CNTN3: variants seen among roughly 807,000 people sequenced by gnomAD.
CNTN3 encodes contactin-3.
A neutral mutation model predicts 119.1 loss-of-function variants in CNTN3; 60 were observed. The ratio of observed to expected loss-of-function variants is 0.50; its 90% CI spans 0.41 to 0.62. CNTN3 has a LOEUF of 0.62. Among genes scored for constraint, CNTN3 ranks in the 20% least tolerant of loss-of-function variants. The pLI is 0.00. For missense variants in CNTN3, 1,101 were observed against 1,242.4 expected (o/e 0.89, Z 1.71); for synonymous variants, 450 against 438.7 (o/e 1.03, Z -0.32).
intron 13 of CNTN3, among the ~76,000 whole-genome samples, chr3:74,328,602 A>T (rs1190611386): frequency 2.0e-5 from 3 of 152,140 alleles, no homozygotes; most frequent in Non-Finnish European, 4.4e-5. Flanking sequence ...GCTTTGGACT[A>T]TTCATCTTCA....
At chr3:74,272,804 A>C (rs1317146294) in intron 20 of CNTN3, among the ~76,000 whole-genome samples, 1 of 152,196 alleles carries the variant, frequency 6.6e-6, no homozygotes, top group Non-Finnish European at 1.5e-5. Context: ...GGAGGTTTCA[A>C]CAGGCAAGAA....
At chr3:74,560,481 CAT>C (rs1704136701) in intron 1 of CNTN3, among the ~76,000 whole-genome samples, 1 of 152,104 alleles carries the variant, frequency 6.6e-6, no homozygotes, top group African/African-American at 2.4e-5. Context: ...TATATACAAA[CAT>C]ATGAATACAT....
intron 2 of CNTN3, among the ~76,000 whole-genome samples, chr3:74,501,352 C>CT (rs1157413982): frequency 6.6e-6 from 1 of 151,950 alleles, no homozygotes; most frequent in Non-Finnish European, 1.5e-5. Flanking sequence ...CAACGAGTTC[C>CT]TGGTTGGCTA....
rs985245145 is a variant in CNTN3 at position 74,365,568 on chromosome 3, C to G, written c.1081G>C (p.Glu361Gln). The G allele has an allele frequency of 1.2e-6, 2 of 1,613,250 alleles. No homozygotes were observed. Among genetic ancestry groups the G allele is most frequent in the African/African-American group, 2.7e-5 (2 of 74,964 alleles). Residue 361 changes from glutamate to glutamine, a missense_variant and splice_region_variant, in exon 9 of 23, where the codon GAG (glutamate) becomes CAG (glutamine). Physicochemically the swap from Glu to Gln is conservative, Grantham distance 29. Coordinates refer to ENST00000263665, the MANE Select transcript of CNTN3 (RefSeq NM_020872.3). The stretch of plus-strand genomic sequence containing the variant: ...ATTTTAGGTCCATGTTACCTTACCT[C>G]TAGCACCAGGGCTGCTCCATTTTTC... ...WLKNGAALVLEERTQIENGAL... is the reference protein window; with the variant it reads ...WLKNGAALVLQERTQIENGAL...
At position 74,270,942 on chromosome 3, in the gene CNTN3, T is replaced by C. The variant is rs143305984; in HGVS notation, c.2705-3564A>G. 2.9e-3 allele frequency among the ~76,000 whole-genome samples: 441 copies of C among 152,306 alleles called. 1 individual carries two copies. The highest frequency in any genetic ancestry group is 1.0e-2 in the African/African-American group (414 of 41,556). ...ACTAGATTTATATCACAACACTAATTGACAGGATACACATAATCATTTCAG... is the reference window on the plus strand; with the variant it reads ...ACTAGATTTATATCACAACACTAATCGACAGGATACACATAATCATTTCAG... On this transcript the variant is annotated intron_variant, in intron 20 of 22. Transcript: ENST00000263665.
intron 1 of CNTN3, among the ~76,000 whole-genome samples, chr3:74,539,975 C>G (rs1278687307): frequency 6.6e-6 from 1 of 152,092 alleles, no homozygotes; most frequent in East Asian, 1.9e-4. Flanking sequence ...CCTGTATGAC[C>G]CGCCATGAAG....
chr3:74,483,921 G>C (rs1702806380), intron 4 of CNTN3, among the ~76,000 whole-genome samples: 1 of 152,188 alleles, frequency 6.6e-6, no homozygotes. Flanking sequence ...GATAATTTTA[G>C]AGGTATTTTG....
chr3:74,361,918 C>G lies in CNTN3; in HGVS notation c.1336G>C (p.Gly446Arg), dbSNP rs1402536565. ...TCATGCTCCTGCACGCTCACATCCCCCTTCTTCCAGGAAGAGAGTGCCCTT... is the reference window on the plus strand; with the variant it reads ...TCATGCTCCTGCACGCTCACATCCCGCTTCTTCCAGGAAGAGAGTGCCCTT... Reference protein sequence around the residue: ...SPRALSSWKKGDVSVQEHERI... With the variant: ...SPRALSSWKKRDVSVQEHERI... The change falls in exon 11 of 23, where the codon GGG becomes CGG. Residue 446 changes from glycine to arginine, a missense_variant. Coordinates refer to ENST00000263665, the MANE Select transcript of CNTN3 (RefSeq NM_020872.3). 6.2e-7 allele frequency: 1 copy of G among 1,613,424 alleles called. No individual in the cohort carries two copies. The highest frequency in any genetic ancestry group is 1.7e-5 in the Admixed American group (1 of 59,964).
At chr3:74,352,348 TA>T (rs1408816311) in intron 11 of CNTN3, among the ~76,000 whole-genome samples, 1 of 152,150 alleles carries the variant, frequency 6.6e-6, no homozygotes, top group African/African-American at 2.4e-5. Flanking sequence ...CTTACTGGTT[TA>T]AAAGACCATG....
chr3:74,327,105 C>CTTTTTTTTT lies in CNTN3; in HGVS notation c.1668+7629_1668+7630insAAAAAAAAA, dbSNP rs1491284899. On this transcript the variant is annotated intron_variant, in intron 13 of 22. Coordinates refer to ENST00000263665, the MANE Select transcript of CNTN3 (RefSeq NM_020872.3). ...CTAAAGTAGCTTATGAAGGGTTAATCCTTTTTTTTTTTTTTTTTTTTTTTT... is the reference window on the plus strand; with the variant it reads ...CTAAAGTAGCTTATGAAGGGTTAATCTTTTTTTTTCTTTTTTTTTTTTTTTTTTTTTTTT... 2.3e-3 allele frequency among the ~76,000 whole-genome samples: 209 copies of CTTTTTTTTT among 90,696 alleles called. 1 individual carries two copies. The highest frequency in any genetic ancestry group is 2.7e-3 in the Non-Finnish European group (136 of 49,674). 59.5% of individuals were successfully genotyped at this position (90,696 alleles called of 152,430 possible).
At chr3:74,451,656 T>C (rs946722311) in intron 4 of CNTN3, among the ~76,000 whole-genome samples, 2 of 152,016 alleles carry the variant, frequency 1.3e-5, no homozygotes, top group African/African-American at 4.8e-5. Flanking sequence ...ATGTCTAACG[T>C]TTAAGTCTTT....
chr3:74,484,686 G>A (rs141653478), intron 4 of CNTN3, among the ~76,000 whole-genome samples: 104 of 152,052 alleles, frequency 6.8e-4, no homozygotes, highest in African/African-American at 2.1e-3. Flanking sequence ...ACAACCAAGC[G>A]AACCCCAAAA....
At chr3:74,470,706 A>G (rs1702543955) in intron 4 of CNTN3, among the ~76,000 whole-genome samples, 1 of 152,176 alleles carries the variant, frequency 6.6e-6, no homozygotes, top group Non-Finnish European at 1.5e-5. Flanking sequence ...TCATTAAATC[A>G]ATGTGTTTAA....
At chr3:74,495,795 A>G (rs1254351291) in intron 3 of CNTN3, among the ~76,000 whole-genome samples, 1 of 152,030 alleles carries the variant, frequency 6.6e-6, no homozygotes, top group Non-Finnish European at 1.5e-5. Flanking sequence ...AAAGACCTCC[A>G]CTTTGCAATG....
intron 11 of CNTN3, among the ~76,000 whole-genome samples, chr3:74,356,424 C>T (rs1445064415): frequency 6.6e-6 from 1 of 152,074 alleles, no homozygotes; most frequent in Non-Finnish European, 1.5e-5. Context: ...GCAGACATCA[C>T]CTTCTCTAGA....
intron 4 of CNTN3, among the ~76,000 whole-genome samples, chr3:74,464,047 T>C (rs1702418203): frequency 6.6e-6 from 1 of 152,104 alleles, no homozygotes; most frequent in South Asian, 2.1e-4. Context: ...TCCATAGTAC[T>C]TTTTCAACAG....
At chr3:74,355,060 C>T (rs1464230021) in intron 11 of CNTN3, among the ~76,000 whole-genome samples, 2 of 152,070 alleles carry the variant, frequency 1.3e-5, no homozygotes, top group South Asian at 2.1e-4. Context: ...TTCAGTCAAC[C>T]TTTGTATGCA....
chr3:74,451,115 T>A (rs938442640), intron 4 of CNTN3, among the ~76,000 whole-genome samples: 1 of 152,036 alleles, frequency 6.6e-6, no homozygotes, highest in Non-Finnish European at 1.5e-5. Context: ...GTTGAACTAG[T>A]TTACAGTCCC....
intron 11 of CNTN3, among the ~76,000 whole-genome samples, chr3:74,354,957 T>C (rs762225228): frequency 1.9e-4 from 29 of 152,106 alleles, no homozygotes; most frequent in Non-Finnish European, 1.0e-4. Context: ...TCCTAGAAAG[T>C]TGTATCCACT....
Sources: gnomAD v4.1 joint callset for allele counts (sites outside exome capture counted in the v4.1 genomes callset) on GRCh38, gnomAD v4.1.1 for gene constraint, MANE v1.5 for transcripts, NCBI Gene and HGNC (gene_info 2026-07-23, HGNC 2026-07-21) for gene names.